Variants in PKP2 observed in about 807,000 individuals in gnomAD.
PKP2 encodes the protein plakophilin-2.
PKP2 carries 73 observed loss-of-function variants against 83.4 expected under a neutral mutation model. The observed-to-expected ratio is 0.88, with a 90% CI of 0.72 to 1.06. The LOEUF is 1.06. Ranked by LOEUF, PKP2 falls within the 50% of genes least tolerant of loss-of-function variation. The pLI is 0.00. For missense variants in PKP2, 966 were observed against 1,065.4 expected (o/e 0.91, Z 1.30); for synonymous variants, 409 against 430.4 (o/e 0.95, Z 0.62).
chr12:32,886,705 T>G (rs1957033448), intron 1 of PKP2, among the ~76,000 whole-genome samples: 1 of 152,216 alleles, frequency 6.6e-6, no homozygotes, highest in Non-Finnish European at 1.5e-5. Flanking sequence ...TAGAAAACTA[T>G]AGTTGGCTGG....
rs1339965406 is a variant in PKP2 at position 32,858,085 on chromosome 12, ATATATATAT to A, written c.1171-7121_1171-7113del. Among the ~76,000 whole-genome samples, 61 of 42,624 alleles carry A rather than the reference ATATATATAT, an allele frequency of 1.4e-3. 1 individual carries two copies. Among genetic ancestry groups the A allele is most frequent in the African/African-American group, 5.7e-3 (60 of 10,490 alleles). 28.0% of individuals were successfully genotyped at this position (42,624 alleles called of 152,430 possible). On this transcript the variant is annotated intron_variant, in intron 4 of 12. Coordinates refer to ENST00000340811, the MANE Select transcript of PKP2 (RefSeq NM_001005242.3). ...TCTACAAAAAAAAAAAAAAAAAAAAATATATATATATATATATATATATATATATATTTA... is the reference window on the plus strand; with the variant it reads ...TCTACAAAAAAAAAAAAAAAAAAAAAATATATATATATATATATATATTTA...
chr12:32,890,591 T>C (rs1054657685), intron 1 of PKP2, among the ~76,000 whole-genome samples: 17 of 152,234 alleles, frequency 1.1e-4, no homozygotes, highest in African/African-American at 4.1e-4. Context: ...TCTCAAGCTT[T>C]TGTCTTTAAA....
intron 9 of PKP2, among the ~76,000 whole-genome samples, chr12:32,809,216 C>T (rs1392728243): frequency 1.3e-5 from 2 of 152,174 alleles, no homozygotes; most frequent in African/African-American, 4.8e-5. Flanking sequence ...ATAAGCCCGG[C>T]TGGAGTGATT....
chr12:32,882,965 A>C (rs976640170), intron 1 of PKP2, among the ~76,000 whole-genome samples: 1 of 152,186 alleles, frequency 6.6e-6, no homozygotes, highest in African/African-American at 2.4e-5. Flanking sequence ...GAGGACAAAA[A>C]AATTATTTTT....
At chr12:32,890,750 G>A (rs990989632) in intron 1 of PKP2, among the ~76,000 whole-genome samples, 3 of 152,048 alleles carry the variant, frequency 2.0e-5, no homozygotes, top group Non-Finnish European at 4.4e-5. Context: ...CCTGAGGTCA[G>A]GAGTTCGAGA....
At chr12:32,812,121 T>G (rs1046764968) in intron 9 of PKP2, among the ~76,000 whole-genome samples, 1 of 151,236 alleles carries the variant, frequency 6.6e-6, no homozygotes, top group African/African-American at 2.4e-5. Flanking sequence ...GGTTTTTTTT[T>G]TTTTTTTTTT....
chr12:32,872,201 C>T (rs1216133665), intron 3 of PKP2, among the ~76,000 whole-genome samples: 5 of 152,100 alleles, frequency 3.3e-5, no homozygotes, highest in Non-Finnish European at 7.4e-5. Context: ...TAAACTACCA[C>T]TGGTCAGAAT....
intron 3 of PKP2, among the ~76,000 whole-genome samples, chr12:32,870,340 C>T (rs949945223): frequency 3.9e-5 from 6 of 151,930 alleles, no homozygotes; most frequent in Non-Finnish European, 5.9e-5. Context: ...AGGAGTAATG[C>T]GCCTCATGAC....
intron 9 of PKP2, among the ~76,000 whole-genome samples, chr12:32,813,550 CAGG>C (rs779434761): frequency 8.6e-5 from 13 of 151,878 alleles, no homozygotes; most frequent in Non-Finnish European, 1.8e-4. Context: ...GAGGCTGAGG[CAGG>C]AGGATTGCTT....
chr12:32,809,145 T>C (rs911977997), intron 9 of PKP2, among the ~76,000 whole-genome samples: 23 of 151,960 alleles, frequency 1.5e-4, no homozygotes, highest in African/African-American at 4.8e-4. Context: ...ACCACAGAGA[T>C]GGCAGCCTCC....
intron 10 of PKP2, among the ~76,000 whole-genome samples, chr12:32,796,641 C>A (rs1393442034): frequency 6.6e-6 from 1 of 152,074 alleles, no homozygotes; most frequent in African/African-American, 2.4e-5. Context: ...CCTCGTGATC[C>A]GCCAGCCTCG....
At chr12:32,805,515 T>C (rs534535860) in intron 9 of PKP2, among the ~76,000 whole-genome samples, 16 of 152,354 alleles carry the variant, frequency 1.1e-4, no homozygotes, top group African/African-American at 3.8e-4. Context: ...TTCAATTTTC[T>C]GCATATGACT....
chr12:32,802,703 G>C, intron 9 of PKP2, 147 bp from the exon 10 acceptor site: 1 of 749,536 alleles, frequency 1.3e-6, no homozygotes, highest in Non-Finnish European at 2.2e-6. Flanking sequence ...CTGTCATTCA[G>C]GCTGGAGTGC....
chr12:32,868,566 A>C (rs1956869117), intron 4 of PKP2, among the ~76,000 whole-genome samples: 1 of 151,444 alleles, frequency 6.6e-6, no homozygotes, highest in African/African-American at 2.4e-5. Flanking sequence ...TCTGTCACCC[A>C]GGCTGGAGTG....
chr12:32,824,072 G>A lies in PKP2; in HGVS notation c.1647C>T (p.Thr549=). 1.9e-6 allele frequency: 3 copies of A among 1,603,912 alleles called. No individual in the cohort carries two copies. The highest frequency in any genetic ancestry group is 2.6e-6 in the Non-Finnish European group (3 of 1,171,036). Residue 549 remains threonine, a synonymous_variant, in exon 7 of 13, where the codon ACC becomes ACT. Coordinates refer to ENST00000340811, the MANE Select transcript of PKP2 (RefSeq NM_001005242.3). ...IDSLVHYVRG[T]IADYQPDDKA... is the part of the protein sequence containing the mutation. The stretch of plus-strand genomic sequence containing the variant: ...TGTCATCTGGCTGGTAATCTGCAAT[G>A]GTTCCTCTGACATAATGGACCAGTG...
chr12:32,890,952 C>CAAAAAA (rs56900611), intron 1 of PKP2, among the ~76,000 whole-genome samples: 9 of 70,020 alleles, frequency 1.3e-4, no homozygotes, highest in Admixed American at 3.3e-4. Context: ...AAGAGCGAAA[C>CAAAAAA]AAAAAAAAAA....
intron 1 of PKP2, among the ~76,000 whole-genome samples, chr12:32,892,199 A>G (rs1317452260): frequency 2.0e-5 from 3 of 152,092 alleles, no homozygotes; most frequent in African/African-American, 7.2e-5. Context: ...CTTTTTGTCA[A>G]AGGAAGAATT....
At chr12:32,836,381 G>A (rs1423080736) in intron 6 of PKP2, among the ~76,000 whole-genome samples, 1 of 152,220 alleles carries the variant, frequency 6.6e-6, no homozygotes, top group Non-Finnish European at 1.5e-5. Context: ...AGTTATGCAT[G>A]TTCTCTTAGA....
chr12:32,895,753 T>C (rs936531701), intron 1 of PKP2, among the ~76,000 whole-genome samples: 1 of 152,248 alleles, frequency 6.6e-6, no homozygotes, highest in Non-Finnish European at 1.5e-5. Flanking sequence ...TGTGCATGTG[T>C]GTGCTTACAC....
Sources: gnomAD v4.1 joint callset for allele counts (sites outside exome capture counted in the v4.1 genomes callset) on GRCh38, gnomAD v4.1.1 for gene constraint, MANE v1.5 for transcripts, NCBI Gene and HGNC (gene_info 2026-07-23, HGNC 2026-07-21) for gene names.